TUSC3: variants seen among roughly 807,000 people sequenced by gnomAD.
The protein encoded by TUSC3 is tumor suppressor candidate 3.
In TUSC3, 45 loss-of-function variants were observed where a neutral mutation model predicts 44.8. The ratio of observed to expected loss-of-function variants is 1.00; its 90% CI spans 0.79 to 1.29. The LOEUF is 1.29. Among genes scored for constraint, TUSC3 ranks in the 50% most tolerant of loss-of-function variants. The pLI, the probability that TUSC3 is intolerant of heterozygous loss-of-function variation, is 0.00. For synonymous variants in TUSC3, 212 were observed against 152.9 expected (o/e 1.39, Z -2.85); for missense variants, 519 against 437.9 (o/e 1.19, Z -1.65).
At position 15,423,969 on chromosome 8, in the gene TUSC3, G is replaced by GTTTTTTTTTTTTTTTTTTTT. The variant is rs112397215; in HGVS notation, n.91+6683_91+6702dup. Among the ~76,000 whole-genome samples, 2 of 70,394 alleles carry GTTTTTTTTTTTTTTTTTTTT rather than the reference G, an allele frequency of 2.8e-5. 1 individual carries two copies. Among genetic ancestry groups the GTTTTTTTTTTTTTTTTTTTT allele is most frequent in the Non-Finnish European group, 6.3e-5 (2 of 31,962 alleles). 46.2% of individuals were successfully genotyped at this position (70,394 alleles called of 152,430 possible). A position where few individuals can be genotyped will look rare whatever the true frequency, so the allele number is the denominator to read the frequency against. ...TACAGCATTCATACTGTTTTGCTTT[G>GTTTTTTTTTTTTTTTTTTTT]TTTTTTTTTTTTTTTTTTTTTTTTT... is the stretch of plus-strand genomic sequence containing the variant. On this transcript the variant is annotated intron_variant and non_coding_transcript_variant, in intron 1 of 5. Coordinates refer to the TUSC3 transcript ENST00000503191.
At chr8:15,823,670 C>A in the TUSC3 span, among the ~76,000 whole-genome samples, 1,674 of 152,194 alleles carry the variant, frequency 0.011, 33 homozygotes, top group African/African-American at 0.038. Flanking sequence ...AATGTTTGTA[C>A]ATAATTGCAA....
chr8:15,669,673 G>A (rs1419315196), intron 5 of TUSC3, among the ~76,000 whole-genome samples: 2 of 151,610 alleles, frequency 1.3e-5, no homozygotes, highest in African/African-American at 4.8e-5. Flanking sequence ...GTTTATGTGG[G>A]AATAAGAGAA....
At chr8:15,849,887 T>C in the TUSC3 span, among the ~76,000 whole-genome samples, 2 of 152,038 alleles carry the variant, frequency 1.3e-5, no homozygotes, top group Non-Finnish European at 2.9e-5. Context: ...ATCCGGAGCA[T>C]CACTCTCAAA....
chr8:15,564,301 C>G (rs531927942), intron 1 of TUSC3, among the ~76,000 whole-genome samples: 1 of 151,854 alleles, frequency 6.6e-6, no homozygotes, highest in South Asian at 2.1e-4. Flanking sequence ...TCTCTAACAG[C>G]TAAAATAAAA....
chr8:15,504,621 A>ATATATATATTTTTT (rs1345504233), intron 2 of TUSC3, among the ~76,000 whole-genome samples: 1 of 20,316 alleles, frequency 4.9e-5, no homozygotes, highest in South Asian at 3.0e-3. Flanking sequence ...ATATATATAT[A>ATATATATATTTTTT]TTTTTTTTTT....
the TUSC3 span, among the ~76,000 whole-genome samples, chr8:15,802,673 T>C: frequency 1.3e-4 from 19 of 151,934 alleles, no homozygotes; most frequent in African/African-American, 4.3e-4. Context: ...ATTACTTTTT[T>C]TTTTTTGCCA....
intron 2 of TUSC3, among the ~76,000 whole-genome samples, chr8:15,528,025 C>T (rs918833332): frequency 1.3e-5 from 2 of 152,128 alleles, no homozygotes; most frequent in Admixed American, 1.3e-4. Flanking sequence ...TATTCTTTGA[C>T]ATATTTCCTT....
intron 10 of TUSC3, among the ~76,000 whole-genome samples, chr8:15,763,404 T>C (rs149196181): frequency 5.1e-4 from 77 of 151,980 alleles, no homozygotes; most frequent in African/African-American, 1.9e-3. Context: ...TGTTGTTGTT[T>C]TTTGTTTTCT....
chr8:15,776,847 T>A, the TUSC3 span, among the ~76,000 whole-genome samples: 5 of 152,170 alleles, frequency 3.3e-5, no homozygotes, highest in African/African-American at 1.2e-4. Context: ...TTAGCCCTTT[T>A]ACTGTTATGT....
chr8:15,506,371 T>C (rs1005240784), intron 2 of TUSC3, among the ~76,000 whole-genome samples: 1 of 152,188 alleles, frequency 6.6e-6, no homozygotes, highest in African/African-American at 2.4e-5. Context: ...AAAACATTAC[T>C]GTAACTTTCA....
the TUSC3 span, among the ~76,000 whole-genome samples, chr8:15,774,818 T>G: frequency 1.3e-5 from 2 of 152,156 alleles, no homozygotes; most frequent in African/African-American, 4.8e-5. Flanking sequence ...AATGTATTTT[T>G]TTTTTAAAGG....
rs76328774 is a variant in TUSC3, at chr8:15,670,395, C to G, written c.709-3352C>G. On this transcript the variant is annotated intron_variant, in intron 5 of 10. Transcript: ENST00000503731. ...TCTATAGTCCAGAAACATACTCACACTTATAAAATCACTTGATTTGTAACG... is the reference window on the plus strand; with the variant it reads ...TCTATAGTCCAGAAACATACTCACAGTTATAAAATCACTTGATTTGTAACG... Among the ~76,000 whole-genome samples, 1,325 of 151,934 alleles carry G rather than the reference C, an allele frequency of 8.7e-3. 19 individuals are homozygous for G. Among genetic ancestry groups the G allele is most frequent in the African/African-American group, 0.03 (1,262 of 41,522 alleles).
At chr8:15,644,882 T>G (rs1806557637) in intron 2 of TUSC3, among the ~76,000 whole-genome samples, 1 of 152,148 alleles carries the variant, frequency 6.6e-6, no homozygotes, top group South Asian at 2.1e-4. Context: ...AAGTATTGTA[T>G]TTGAGTCAAG....
At chr8:15,516,245 T>C (rs1362537506) in intron 2 of TUSC3, among the ~76,000 whole-genome samples, 1 of 152,194 alleles carries the variant, frequency 6.6e-6, no homozygotes, top group African/African-American at 2.4e-5. Context: ...AGTGTATAGT[T>C]AGTATTAAAA....
At chr8:15,565,362 G>C (rs145431150) in intron 1 of TUSC3, among the ~76,000 whole-genome samples, 117 of 152,146 alleles carry the variant, frequency 7.7e-4, no homozygotes, top group African/African-American at 2.7e-3. Context: ...TCCCATTTCA[G>C]GATCATTTGT....
At chr8:15,784,005 GAAAA>G in the TUSC3 span, among the ~76,000 whole-genome samples, 1 of 152,120 alleles carries the variant, frequency 6.6e-6, no homozygotes, top group African/African-American at 2.4e-5. Flanking sequence ...TCAATAATAA[GAAAA>G]TAAATAACAC....
chr8:15,851,401 A>G, the TUSC3 span, among the ~76,000 whole-genome samples: 407 of 152,320 alleles, frequency 2.7e-3, 12 homozygotes, highest in East Asian at 0.066. Flanking sequence ...ATGCGATGAT[A>G]ACAAATATTT....
chr8:15,783,534 C>T, the TUSC3 span, among the ~76,000 whole-genome samples: 1 of 151,914 alleles, frequency 6.6e-6, no homozygotes, highest in Non-Finnish European at 1.5e-5. Context: ...ACACATTGAC[C>T]AATGGAATAG....
At chr8:15,797,773 C>CT in the TUSC3 span, among the ~76,000 whole-genome samples, 202 of 152,276 alleles carry the variant, frequency 1.3e-3, no homozygotes, top group African/African-American at 4.9e-3. Flanking sequence ...TCAGCAGTGT[C>CT]TAAGACAACA....
Sources: gnomAD v4.1 joint callset for allele counts (sites outside exome capture counted in the v4.1 genomes callset) on GRCh38, gnomAD v4.1.1 for gene constraint, MANE v1.5 for transcripts, NCBI Gene and HGNC (gene_info 2026-07-23, HGNC 2026-07-21) for gene names.